The following MEGF6 variants were observed in gnomAD, a reference collection of about 807,000 sequenced individuals.
MEGF6 encodes the protein multiple EGF like domains 6.
In MEGF6, 184 loss-of-function variants were observed where a neutral mutation model predicts 207.1. That is an observed-to-expected ratio of 0.89 (90% CI 0.79 to 1.00). MEGF6 has a LOEUF of 1.00. Ranked by LOEUF, MEGF6 falls within the 50% of genes least tolerant of loss-of-function variation. The probability of loss-of-function intolerance (pLI) is 0.00; values close to 1 mark genes in which losing one functional copy is unlikely to be tolerated. For missense variants in MEGF6, 2,282 were observed against 2,202.9 expected (o/e 1.04, Z -0.72); for synonymous variants, 1,038 against 910.0 (o/e 1.14, Z -2.53).
chr1:3,491,780 G>A (rs1357408194), intron 35 of MEGF6, among the ~76,000 whole-genome samples: 1 of 151,142 alleles, frequency 6.6e-6, no homozygotes, highest in South Asian at 2.1e-4. Context: ...GGGGGTGGGG[G>A]GGGGGGTGCG....
At chr1:3,554,343 G>A (rs761695784) in intron 4 of MEGF6, among the ~76,000 whole-genome samples, 56 of 147,450 alleles carry the variant, frequency 3.8e-4, no homozygotes, top group African/African-American at 1.5e-3. Flanking sequence ...AAAAGCCAGC[G>A]GGGTCTAACA....
At chr1:3,557,679 A>T (rs1444733101) in intron 4 of MEGF6, among the ~76,000 whole-genome samples, 1 of 152,212 alleles carries the variant, frequency 6.6e-6, no homozygotes, top group East Asian at 1.9e-4. Context: ...GCTGCGGAGC[A>T]CCGAGGGATG....
chr1:3,497,143 G>C (rs1398796341), intron 27 of MEGF6, 24 bp from the exon 28 acceptor site: 13 of 1,553,458 alleles, frequency 8.4e-6, no homozygotes, highest in Non-Finnish European at 1.1e-5. Flanking sequence ...GGCAGGGTCG[G>C]TCCTGGCCCA....
chr1:3,597,892 G>A (rs768801486), intron 2 of MEGF6, among the ~76,000 whole-genome samples: 5 of 152,348 alleles, frequency 3.3e-5, no homozygotes, highest in South Asian at 2.1e-4. Flanking sequence ...AGCTCACCGC[G>A]TGGTACCTGC....
At chr1:3,581,077 G>A (rs1183202590) in intron 3 of MEGF6, among the ~76,000 whole-genome samples, 3 of 152,118 alleles carry the variant, frequency 2.0e-5, no homozygotes, top group African/African-American at 7.2e-5. Context: ...GGAAACTGAG[G>A]CTCAGAGACT....
intron 4 of MEGF6, among the ~76,000 whole-genome samples, chr1:3,558,187 G>T (rs1035232963): frequency 1.3e-5 from 2 of 152,186 alleles, no homozygotes; most frequent in Non-Finnish European, 2.9e-5. Flanking sequence ...TCCAGGAACT[G>T]CCTGACCAGC....
At chr1:3,620,686 C>G in the MEGF6 span, among the ~76,000 whole-genome samples, 18 of 152,302 alleles carry the variant, frequency 1.2e-4, no homozygotes, top group African/African-American at 3.8e-4. Flanking sequence ...GGTCTTTCTC[C>G]CCATGTGCAG....
chr1:3,604,092 A>G (rs923213476), intron 1 of MEGF6, among the ~76,000 whole-genome samples: 1 of 152,204 alleles, frequency 6.6e-6, no homozygotes, highest in Non-Finnish European at 1.5e-5. Flanking sequence ...CCTGGCCTCC[A>G]GCTGCCCACC....
upstream of MEGF6, among the ~76,000 whole-genome samples, chr1:3,613,589 A>G (rs546299393): frequency 2.0e-5 from 3 of 152,208 alleles, no homozygotes; most frequent in African/African-American, 2.4e-5. Context: ...AACATTCTCC[A>G]GCTTATCAGA....
chr1:3,604,137 C>CCAGTCAAGTCA (rs1465225943), intron 1 of MEGF6, among the ~76,000 whole-genome samples: 6 of 152,364 alleles, frequency 3.9e-5, no homozygotes, highest in Non-Finnish European at 5.9e-5. Context: ...GACCAGAGTC[C>CCAGTCAAGTCA]AGCTCCAGGT....
At chr1:3,613,872 C>G (rs1051695502), upstream of MEGF6, among the ~76,000 whole-genome samples, 2 of 152,002 alleles carry the variant, frequency 1.3e-5, no homozygotes, top group African/African-American at 4.8e-5. Context: ...GTCCCAGGCA[C>G]TGCCGCTGTG....
intron 1 of MEGF6, among the ~76,000 whole-genome samples, chr1:3,609,215 C>T (rs911330485): frequency 6.6e-6 from 1 of 152,196 alleles, no homozygotes; most frequent in Non-Finnish European, 1.5e-5. Flanking sequence ...GCCCCACCCC[C>T]GTACCAGAGC....
rs528529979 is a variant in MEGF6 at position 3,509,053 on chromosome 1, C to T, written c.1528+22G>A. On this transcript the variant is annotated intron_variant, in intron 12 of 36. Transcript: ENST00000356575. ...TGCTGGCCCTGCGAGCAGGAGCCCC[C>T]GGGGGCTGGGCCCGCGCTCACCAAA... 7.9e-6 allele frequency: 12 copies of T among 1,523,380 alleles called. No individual in the cohort carries two copies. The African/African-American group carries it at 8.4e-5, about 11-fold the overall frequency. The allele number at this position is 1,523,380 out of a possible 1,614,324, so 94.4% of individuals were successfully genotyped here. A position where few individuals can be genotyped will look rare whatever the true frequency, so the allele number is the denominator to read the frequency against.
chr1:3,573,727 G>A lies in MEGF6; in HGVS notation c.481+6098C>T, dbSNP rs1643571591. 6.6e-6 allele frequency among the ~76,000 whole-genome samples: 1 copy of A among 152,186 alleles called. No individual in the cohort carries two copies. The highest frequency in any genetic ancestry group is 2.1e-4 in the South Asian group (1 of 4,826). The stretch of plus-strand genomic sequence containing the variant: ...CCACTCCCTGGGGCACAGAGTCTGA[G>A]TCTGGCAGCGGCAGCTCCCAGGCCT... On this transcript the variant is annotated intron_variant, in intron 4 of 36. Coordinates refer to ENST00000356575, the MANE Select transcript of MEGF6 (RefSeq NM_001409.4). The surrounding 1 kb of genome is among the most constrained non-coding windows in gnomAD (Gnocchi z 5.1).
intron 4 of MEGF6, among the ~76,000 whole-genome samples, chr1:3,541,335 T>C (rs994158848): frequency 6.6e-6 from 1 of 152,102 alleles, no homozygotes; most frequent in African/African-American, 2.4e-5. Flanking sequence ...GAGCACATCG[T>C]CCCAGGAAGC....
rs1487451110 is a variant in MEGF6 at position 3,556,444 on chromosome 1, A to G, written c.481+23381T>C. Among the ~76,000 whole-genome samples, 1 of 152,190 alleles carries G rather than the reference A, an allele frequency of 6.6e-6. No individual in the cohort carries two copies. Among genetic ancestry groups the G allele is most frequent in the African/African-American group, 2.4e-5 (1 of 41,448 alleles). ...GCCCGGGACCTCCTCACGGAGCCAC[A>G]GCCAGCAGGGGTAGGAGAAACCTCG... On this transcript the variant is annotated intron_variant, in intron 4 of 36. Transcript: ENST00000356575. This position sits in a 1 kb window ranked among gnomAD's most constrained non-coding sequence, Gnocchi z 4.4.
rs182759425 is a variant in MEGF6 at position 3,556,276 on chromosome 1, C to T, written c.481+23549G>A. Among the ~76,000 whole-genome samples, 202 of 152,332 alleles carry T rather than the reference C, an allele frequency of 1.3e-3. No homozygotes were observed. The highest frequency in any genetic ancestry group is 4.6e-3 in the African/African-American group (191 of 41,560). ...ATAACCTAGAGCTCTGTGTGAGGCC[C>T]GCAGGCCAGGTCAGAATTAAACTCC... On this transcript the variant is annotated intron_variant, in intron 4 of 36. Transcript: ENST00000356575. This position sits in a 1 kb window ranked among gnomAD's most constrained non-coding sequence, Gnocchi z 4.4.
In MEGF6 at chr1:3,488,880, G is replaced by C. The variant is rs1438665437; in HGVS notation, c.*1648C>G. On this transcript the variant is annotated 3_prime_UTR_variant, in exon 37 of 37. Transcript: ENST00000356575. The stretch of plus-strand genomic sequence containing the variant: ...TCACCTTTAGATCTGAGAACGTCTT[G>C]GTCGTCGTTGCTTCATGTCAATGAC... Among the ~76,000 whole-genome samples the C allele has an allele frequency of 6.6e-6, 1 of 152,138 alleles. No homozygotes were observed. The highest frequency in any genetic ancestry group is 1.5e-5 in the Non-Finnish European group (1 of 68,020).
chr1:3,595,785 C>T (rs751876988), intron 2 of MEGF6, among the ~76,000 whole-genome samples: 1 of 152,138 alleles, frequency 6.6e-6, no homozygotes, highest in Non-Finnish European at 1.5e-5. Context: ...CACATCTCAC[C>T]GCTCACTCGG....
Sources: allele counts gnomAD v4.1 joint callset (sites outside exome capture counted in the v4.1 genomes callset), GRCh38; gene constraint gnomAD v4.1.1; non-coding constraint Gnocchi (gnomAD v3.1); transcripts MANE v1.5; gene names NCBI Gene and HGNC (gene_info 2026-07-23, HGNC 2026-07-21).